The following SV2C variants were observed in gnomAD, a reference collection of about 807,000 sequenced individuals.
SV2C encodes the protein synaptic vesicle glycoprotein 2C, also known as solute carrier family 22 member B3.
A neutral mutation model predicts 79.7 loss-of-function variants in SV2C; 49 were observed. That is an observed-to-expected ratio of 0.61 (90% CI 0.49 to 0.78). The LOEUF is 0.78. Among genes scored for constraint, SV2C ranks in the 30% least tolerant of loss-of-function variants. The probability of loss-of-function intolerance (pLI) is 0.00; values close to 1 mark genes in which losing one functional copy is unlikely to be tolerated. For synonymous variants in SV2C, 334 were observed against 333.2 expected (o/e 1.00, Z -0.03); for missense variants, 833 against 912.9 (o/e 0.91, Z 1.13).
chr5:76,277,560 G>T (rs1747059457), intron 4 of SV2C, among the ~76,000 whole-genome samples: 1 of 152,162 alleles, frequency 6.6e-6, no homozygotes, highest in African/African-American at 2.4e-5. Context: ...GATGGCTTGA[G>T]CCCAGGAGTT....
At chr5:76,129,541 G>A (rs573142515) in intron 1 of SV2C, among the ~76,000 whole-genome samples, 3 of 152,212 alleles carry the variant, frequency 2.0e-5, no homozygotes, top group African/African-American at 7.2e-5. Context: ...CTACTTAGGG[G>A]ATTAGAACTG....
At chr5:75,905,534 G>A in the SV2C span, among the ~76,000 whole-genome samples, 1 of 152,204 alleles carries the variant, frequency 6.6e-6, no homozygotes, top group Non-Finnish European at 1.5e-5. Flanking sequence ...TTAAAACAAG[G>A]TAGTAAGCTT....
At chr5:76,291,463 A>G (rs1416720423) in intron 7 of SV2C, 132 bp downstream of exon 7, 7 of 668,070 alleles carry the variant, frequency 1.0e-5, no homozygotes, top group Non-Finnish European at 1.8e-5. Context: ...CTCCTGGACT[A>G]GAGCCAGGTA....
At chr5:75,877,070 A>G in the SV2C span, among the ~76,000 whole-genome samples, 1 of 152,110 alleles carries the variant, frequency 6.6e-6, no homozygotes, top group Non-Finnish European at 1.5e-5. Flanking sequence ...AGATCGAAAG[A>G]TACAATAGAT....
the SV2C span, among the ~76,000 whole-genome samples, chr5:75,991,439 A>C: frequency 6.6e-6 from 1 of 151,176 alleles, no homozygotes; most frequent in Non-Finnish European, 1.5e-5. Flanking sequence ...ATTTAAATAT[A>C]TTTATAAGCA....
At chr5:75,914,023 T>G in the SV2C span, among the ~76,000 whole-genome samples, 1 of 152,200 alleles carries the variant, frequency 6.6e-6, no homozygotes, top group Non-Finnish European at 1.5e-5. Flanking sequence ...GTACATTTAT[T>G]CACCCATTTG....
intron 2 of SV2C, among the ~76,000 whole-genome samples, chr5:76,172,472 G>C (rs1223482595): frequency 1.5e-4 from 13 of 86,144 alleles, no homozygotes; most frequent in Non-Finnish European, 2.1e-4. Context: ...GGAGGTGAGG[G>C]GCGCCTCTGC....
chr5:76,162,904 T>C (rs1450550983), intron 2 of SV2C, among the ~76,000 whole-genome samples: 2 of 152,240 alleles, frequency 1.3e-5, no homozygotes, highest in East Asian at 3.8e-4. Context: ...ACTTCTCAGT[T>C]ATTAACATGC....
chr5:76,295,644 G>C (rs1275536748), intron 8 of SV2C, 134 bp from the exon 9 acceptor site: 2 of 768,198 alleles, frequency 2.6e-6, no homozygotes, highest in Non-Finnish European at 4.0e-6. Flanking sequence ...ATTGCTGTAT[G>C]ATGAATTACT....
At chr5:76,092,733 GCT>G (rs927474191) in intron 1 of SV2C, among the ~76,000 whole-genome samples, 17 of 152,246 alleles carry the variant, frequency 1.1e-4, no homozygotes, top group Admixed American at 2.6e-4. Context: ...CTTGCTGTGG[GCT>G]GGGAATGTTC....
intron 4 of SV2C, among the ~76,000 whole-genome samples, chr5:76,220,766 A>G (rs2112376453): frequency 6.6e-6 from 1 of 152,308 alleles, no homozygotes; most frequent in Non-Finnish European, 1.5e-5. Context: ...AGCGGTCATC[A>G]TCAAAGGCCC....
chr5:75,942,793 T>C, the SV2C span, among the ~76,000 whole-genome samples: 6 of 152,280 alleles, frequency 3.9e-5, no homozygotes, highest in East Asian at 3.9e-4. Flanking sequence ...TTTACTGTTA[T>C]TCCTTCACTA....
chr5:75,923,784 A>AG, the SV2C span, among the ~76,000 whole-genome samples: 1 of 152,194 alleles, frequency 6.6e-6, no homozygotes, highest in African/African-American at 2.4e-5. Context: ...TGTGGTAAAA[A>AG]GGGCACACTT....
the SV2C span, among the ~76,000 whole-genome samples, chr5:75,985,553 A>G: frequency 6.6e-6 from 1 of 152,000 alleles, no homozygotes; most frequent in Non-Finnish European, 1.5e-5. Context: ...ATTACCAGAA[A>G]TATACAAACA....
upstream of SV2C, chr5:76,082,505 TCTCTCTCTCC>T (rs914047846): frequency 2.0e-5 from 3 of 152,068 alleles, no homozygotes; most frequent in Non-Finnish European, 4.4e-5. Flanking sequence ...CAAAATTCTC[TCTCTCTCTCC>T]CTCTCTCTCT....
chr5:76,312,658 C>A (rs1748489354), intron 12 of SV2C, among the ~76,000 whole-genome samples: 1 of 152,222 alleles, frequency 6.6e-6, no homozygotes. Context: ...TCTGCACAGA[C>A]TCCCAGGGCC....
the SV2C span, among the ~76,000 whole-genome samples, chr5:75,975,047 G>C: frequency 1.3e-5 from 2 of 152,100 alleles, no homozygotes; most frequent in Non-Finnish European, 2.9e-5. Flanking sequence ...AATTATCAAT[G>C]ACAGTTGAAT....
intron 4 of SV2C, among the ~76,000 whole-genome samples, chr5:76,243,173 G>A (rs1745845171): frequency 6.6e-6 from 1 of 152,136 alleles, no homozygotes; most frequent in Non-Finnish European, 1.5e-5. Context: ...CTCAGTAAAT[G>A]GTTGCTGTGC....
the SV2C span, among the ~76,000 whole-genome samples, chr5:75,946,030 T>C: frequency 6.6e-6 from 1 of 150,658 alleles, no homozygotes; most frequent in Non-Finnish European, 1.5e-5. Context: ...TAGAAAAAAA[T>C]GAAATTCAAA....
Sources: gnomAD v4.1 joint callset for allele counts (sites outside exome capture counted in the v4.1 genomes callset) on GRCh38, gnomAD v4.1.1 for gene constraint, MANE v1.5 for transcripts, NCBI Gene and HGNC (gene_info 2026-07-23, HGNC 2026-07-21) for gene names.